Variants in MECOM observed in about 807,000 individuals in gnomAD.
MECOM encodes the protein histone-lysine N-methyltransferase MECOM.
In MECOM, 13 loss-of-function variants were observed where a neutral mutation model predicts 116.3. The ratio of observed to expected loss-of-function variants is 0.11; its 90% CI spans 0.07 to 0.18. The LOEUF is 0.18. Ranked by LOEUF, MECOM falls within the 10% of genes least tolerant of loss-of-function variation. MECOM has a pLI of 1.00. For synonymous variants in MECOM, 528 were observed against 535.2 expected (o/e 0.99, Z 0.19); for missense variants, 1,299 against 1,509.0 (o/e 0.86, Z 2.31).
intron 2 of MECOM, among the ~76,000 whole-genome samples, chr3:169,222,597 T>C (rs1752261397): frequency 2.0e-5 from 3 of 152,218 alleles, no homozygotes; most frequent in Non-Finnish European, 4.4e-5. Flanking sequence ...GGGGTCAGTG[T>C]GACATCATCT....
At chr3:169,179,515 C>T (rs1276081703) in intron 2 of MECOM, among the ~76,000 whole-genome samples, 4 of 152,108 alleles carry the variant, frequency 2.6e-5, no homozygotes, top group Admixed American at 6.6e-5. Flanking sequence ...TGAAAAAGCT[C>T]GTTGACCTCT....
chr3:169,632,038 C>G (rs1439558197), intron 1 of MECOM, among the ~76,000 whole-genome samples: 1 of 152,070 alleles, frequency 6.6e-6, no homozygotes, highest in Non-Finnish European at 1.5e-5. Context: ...CCATGAGCTG[C>G]TAAGTTTAGG....
At chr3:169,410,273 G>A (rs1578012969) in intron 1 of MECOM, among the ~76,000 whole-genome samples, 1 of 152,216 alleles carries the variant, frequency 6.6e-6, no homozygotes, top group East Asian at 1.9e-4. Context: ...TACTTTTGGA[G>A]AACTTTGTGG....
intron 1 of MECOM, among the ~76,000 whole-genome samples, chr3:169,524,575 G>A (rs115381376): frequency 7.2e-5 from 11 of 152,272 alleles, no homozygotes; most frequent in African/African-American, 2.6e-4. Flanking sequence ...TCAACAGCAT[G>A]TTTGGATTTG....
intron 1 of MECOM, among the ~76,000 whole-genome samples, chr3:169,649,553 T>G (rs1325059736): frequency 6.6e-6 from 1 of 152,166 alleles, no homozygotes; most frequent in Non-Finnish European, 1.5e-5. Flanking sequence ...GGTATATGTA[T>G]GTCTGTCAAA....
chr3:169,559,768 A>C (rs1331381518), intron 1 of MECOM, among the ~76,000 whole-genome samples: 2 of 152,210 alleles, frequency 1.3e-5, no homozygotes, highest in Non-Finnish European at 1.5e-5. Flanking sequence ...CCAGGGCGAT[A>C]CTACAGATAT....
chr3:169,419,218 C>A (rs1294776917), intron 1 of MECOM, among the ~76,000 whole-genome samples: 1 of 152,122 alleles, frequency 6.6e-6, no homozygotes, highest in African/African-American at 2.4e-5. Context: ...AGGACAACTA[C>A]AAACCACGGC....
chr3:169,392,437 G>T (rs985905596), intron 1 of MECOM, among the ~76,000 whole-genome samples: 14 of 152,170 alleles, frequency 9.2e-5, no homozygotes, highest in Non-Finnish European at 2.1e-4. Context: ...TGATTGAAGT[G>T]TTGAGGTGAT....
At chr3:169,621,539 C>T (rs912771994) in intron 1 of MECOM, among the ~76,000 whole-genome samples, 2 of 152,238 alleles carry the variant, frequency 1.3e-5, no homozygotes, top group Non-Finnish European at 2.9e-5. Flanking sequence ...GGCAGATTAC[C>T]TGAGGTCAGG....
intron 2 of MECOM, among the ~76,000 whole-genome samples, chr3:169,360,219 A>G (rs937194240): frequency 2.7e-5 from 4 of 150,654 alleles, no homozygotes; most frequent in East Asian, 2.0e-4. Context: ...TCTCTGTAAG[A>G]AAAAAGCTCC....
intron 1 of MECOM, among the ~76,000 whole-genome samples, chr3:169,599,061 A>G (rs755181534): frequency 3.3e-5 from 5 of 152,248 alleles, no homozygotes; most frequent in Non-Finnish European, 1.5e-5. Context: ...ATATTCATTC[A>G]TACCACTCTG....
Position 169,085,149 on chromosome 3 carries a change from G to A in MECOM, c.3586-106C>T, listed in dbSNP as rs1576803778. ...GAAAGGGATGGGACCCTGAGTAGGG[G>A]CATCCTTCATGGGTGTGTTTGGCAA... On this transcript the variant is annotated intron_variant, in intron 16 of 16. Coordinates refer to ENST00000651503, the MANE Select transcript of MECOM (RefSeq NM_004991.4). 4 of 1,385,300 alleles carry A rather than the reference G, an allele frequency of 2.9e-6. No individual in the cohort carries two copies. In the East Asian group the frequency reaches 7.0e-5, roughly 24 times the overall value. 85.8% of individuals were successfully genotyped at this position (1,385,300 alleles called of 1,614,324 possible).
chr3:169,570,964 A>G (rs1319695256), intron 1 of MECOM, among the ~76,000 whole-genome samples: 2 of 152,202 alleles, frequency 1.3e-5, no homozygotes, highest in African/African-American at 4.8e-5. Context: ...CTCCTATTCA[A>G]CATAGTATTG....
At chr3:169,150,470 C>A (rs527279047) in intron 2 of MECOM, among the ~76,000 whole-genome samples, 37 of 152,194 alleles carry the variant, frequency 2.4e-4, no homozygotes, top group African/African-American at 8.7e-4. Context: ...CAGTAACATG[C>A]GTGTTCTGCA....
chr3:169,632,141 G>A (rs1772170925), intron 1 of MECOM, among the ~76,000 whole-genome samples: 1 of 152,000 alleles, frequency 6.6e-6, no homozygotes, highest in Non-Finnish European at 1.5e-5. Context: ...GCTATCCTCT[G>A]TTCTCAGTTA....
intron 1 of MECOM, among the ~76,000 whole-genome samples, chr3:169,527,500 G>T (rs1371397927): frequency 6.6e-6 from 1 of 152,140 alleles, no homozygotes; most frequent in Non-Finnish European, 1.5e-5. Context: ...TAATCTAAAC[G>T]TGATGGCTTT....
intron 1 of MECOM, among the ~76,000 whole-genome samples, chr3:169,534,735 T>C (rs190963006): frequency 6.6e-6 from 1 of 152,256 alleles, no homozygotes; most frequent in East Asian, 1.9e-4. Context: ...CCTCATCCCA[T>C]GAGCAAGGTG....
At chr3:169,308,328 A>G (rs1718086140) in intron 2 of MECOM, among the ~76,000 whole-genome samples, 1 of 152,208 alleles carries the variant, frequency 6.6e-6, no homozygotes, top group Non-Finnish European at 1.5e-5. Context: ...GTAATTAAGC[A>G]TTTCCTGAAT....
In MECOM at chr3:169,550,467, G is replaced by T. The variant is rs116748485; in HGVS notation, c.37+112869C>A. Among the ~76,000 whole-genome samples the T allele has an allele frequency of 5.0e-3, 756 of 152,328 alleles. 12 individuals are homozygous for T. Among genetic ancestry groups the T allele is most frequent in the African/African-American group, 0.017 (719 of 41,566 alleles). On this transcript the variant is annotated intron_variant, in intron 1 of 16. Coordinates refer to ENST00000651503, the MANE Select transcript of MECOM (RefSeq NM_004991.4). ...ACAGTGGTTGAAAGTTACCAGCAGA[G>T]CATGAATATGAGAGCTTCTAGTGAA...
Sources: allele counts gnomAD v4.1 joint callset (sites outside exome capture counted in the v4.1 genomes callset), GRCh38; gene constraint gnomAD v4.1.1; transcripts MANE v1.5; gene names NCBI Gene and HGNC (gene_info 2026-07-23, HGNC 2026-07-21).